Variants in NCAM2 observed in about 807,000 individuals in gnomAD.
NCAM2 encodes the protein N-CAM-2.
Under a neutral mutation model 98.1 loss-of-function variants are expected in NCAM2, and 30 were observed. The ratio of observed to expected loss-of-function variants is 0.31; its 90% CI spans 0.23 to 0.41. The LOEUF is 0.41. Among genes scored for constraint, NCAM2 ranks in the 10% least tolerant of loss-of-function variants. The pLI is 1.00. For missense variants in NCAM2, 867 were observed against 1,005.8 expected, an observed-to-expected ratio of 0.86 and a Z score of 1.87; for synonymous variants, 368 against 342.4, an observed-to-expected ratio of 1.07 and a Z score of -0.83.
chr21:21,317,241 A>T (rs576619285), intron 5 of NCAM2, among the ~76,000 whole-genome samples: 1 of 152,116 alleles, frequency 6.6e-6, no homozygotes, highest in Non-Finnish European at 1.5e-5. Flanking sequence ...TGGTGTCTTT[A>T]AACAGCCTCC....
intron 1 of NCAM2, among the ~76,000 whole-genome samples, chr21:21,079,215 CA>C (rs1197843553): frequency 6.6e-6 from 1 of 151,254 alleles, no homozygotes; most frequent in Non-Finnish European, 1.5e-5. Flanking sequence ...AACAAACAAA[CA>C]AAACGTTTCT....
At chr21:21,360,122 A>G (rs1242867582) in intron 8 of NCAM2, among the ~76,000 whole-genome samples, 2 of 152,052 alleles carry the variant, frequency 1.3e-5, no homozygotes, top group Non-Finnish European at 2.9e-5. Flanking sequence ...GCATGCAACA[A>G]AAACCAGTGC....
chr21:21,179,916 A>G (rs555593896), intron 1 of NCAM2, among the ~76,000 whole-genome samples: 1 of 152,346 alleles, frequency 6.6e-6, no homozygotes, highest in South Asian at 2.1e-4. Context: ...AAAACAATTC[A>G]TTATTTCTCA....
chr21:21,453,194 A>C (rs1437087115), intron 12 of NCAM2, among the ~76,000 whole-genome samples: 1 of 148,370 alleles, frequency 6.7e-6, no homozygotes, highest in Non-Finnish European at 1.5e-5. Context: ...AATGATATAA[A>C]GTATGAAGAA....
chr21:21,323,213 T>G (rs1421749348), intron 5 of NCAM2, among the ~76,000 whole-genome samples: 1 of 152,136 alleles, frequency 6.6e-6, no homozygotes, highest in Non-Finnish European at 1.5e-5. Flanking sequence ...ACAATGTACT[T>G]AAAATTCAGA....
At chr21:21,301,913 TATC>T (rs1218464919) in intron 5 of NCAM2, among the ~76,000 whole-genome samples, 2 of 146,302 alleles carry the variant, frequency 1.4e-5, no homozygotes, top group Non-Finnish European at 3.0e-5. Flanking sequence ...CACTATGAGA[TATC>T]ATCTCACACC....
At chr21:21,497,350 G>T (rs1198945275) in intron 15 of NCAM2, among the ~76,000 whole-genome samples, 4 of 152,002 alleles carry the variant, frequency 2.6e-5, no homozygotes, top group Non-Finnish European at 4.4e-5. Context: ...AAAAATAAAA[G>T]TTGAAATTCT....
chr21:21,355,824 G>T (rs2075463837), intron 8 of NCAM2, among the ~76,000 whole-genome samples: 1 of 151,848 alleles, frequency 6.6e-6, no homozygotes, highest in Admixed American at 6.6e-5. Context: ...GGCCAGGCTG[G>T]TCTTGAACTC....
At chr21:21,270,877 A>G (rs75456148) in intron 1 of NCAM2, among the ~76,000 whole-genome samples, 2,738 of 152,044 alleles carry the variant, frequency 0.018, 85 homozygotes, top group East Asian at 0.15. Context: ...TTGCCTGACC[A>G]TCATGGCCTT....
intron 9 of NCAM2, among the ~76,000 whole-genome samples, chr21:21,391,327 A>C (rs2076376041): frequency 6.6e-6 from 1 of 152,230 alleles, no homozygotes; most frequent in African/African-American, 2.4e-5. Context: ...GAATCTACTT[A>C]TGTAGAATAG....
At position 21,006,092 on chromosome 21, in the gene NCAM2, G is replaced by A. The variant is rs141345436; in HGVS notation, c.55+7474G>A. Among the ~76,000 whole-genome samples, 674 of 152,210 alleles carry A rather than the reference G, an allele frequency of 4.4e-3. 6 individuals carry two copies. The highest frequency in any genetic ancestry group is 0.015 in the African/African-American group (611 of 41,528). ...CTGACGCTCACATTTATATCAAAGA[G>A]CATTAAATACATTTAAGATATGATT... On this transcript the variant is annotated intron_variant, in intron 1 of 17. Coordinates refer to ENST00000400546, the MANE Select transcript of NCAM2 (RefSeq NM_004540.5).
intron 1 of NCAM2, among the ~76,000 whole-genome samples, chr21:21,066,166 A>G (rs2065432305): frequency 6.6e-6 from 1 of 152,130 alleles, no homozygotes; most frequent in African/African-American, 2.4e-5. Flanking sequence ...AGAATTTGAA[A>G]TGTAAAAGAG....
intron 9 of NCAM2, among the ~76,000 whole-genome samples, chr21:21,396,689 A>T (rs943560220): frequency 7.2e-5 from 11 of 152,294 alleles, no homozygotes; most frequent in Admixed American, 2.0e-4. Flanking sequence ...GTGCCACTCC[A>T]TGCAAGGCTG....
intron 12 of NCAM2, among the ~76,000 whole-genome samples, chr21:21,438,768 T>C (rs1434023974): frequency 6.6e-6 from 1 of 152,052 alleles, no homozygotes; most frequent in East Asian, 1.9e-4. Context: ...GTTTTCTTAA[T>C]ACAAATGACA....
intron 1 of NCAM2, among the ~76,000 whole-genome samples, chr21:21,202,316 G>T (rs1331269237): frequency 6.6e-6 from 1 of 151,476 alleles, no homozygotes; most frequent in South Asian, 2.1e-4. Context: ...CTAAAATAGT[G>T]CCTGGCACCA....
intron 12 of NCAM2, among the ~76,000 whole-genome samples, chr21:21,463,496 A>T (rs562116063): frequency 2.0e-5 from 3 of 152,286 alleles, no homozygotes; most frequent in Admixed American, 2.0e-4. Flanking sequence ...TTTAAAGGTT[A>T]TCTATAAAAC....
intron 1 of NCAM2, among the ~76,000 whole-genome samples, chr21:21,079,427 C>T (rs79662878): frequency 0.037 from 5,637 of 152,098 alleles, 329 homozygotes; most frequent in African/African-American, 0.13. Flanking sequence ...GAATTTATAT[C>T]TAGGGGGAAA....
At chr21:21,486,907 G>C (rs1986438803) in intron 15 of NCAM2, among the ~76,000 whole-genome samples, 1 of 152,124 alleles carries the variant, frequency 6.6e-6, no homozygotes, top group Non-Finnish European at 1.5e-5. Context: ...AAGCATCTAA[G>C]TGTGGATCTA....
At chr21:21,382,055 A>G (rs1408606630) in intron 9 of NCAM2, among the ~76,000 whole-genome samples, 1 of 152,172 alleles carries the variant, frequency 6.6e-6, no homozygotes, top group African/African-American at 2.4e-5. Context: ...AGAGAAAGCC[A>G]TATAAATTGA....
Sources: gnomAD v4.1 joint callset for allele counts (sites outside exome capture counted in the v4.1 genomes callset) on GRCh38, gnomAD v4.1.1 for gene constraint, MANE v1.5 for transcripts, NCBI Gene and HGNC (gene_info 2026-07-23, HGNC 2026-07-21) for gene names.